The following LTF variants were observed in gnomAD, a reference collection of about 807,000 sequenced individuals.
LTF encodes lactotransferrin.
A neutral mutation model predicts 87.2 loss-of-function variants in LTF; 91 were observed. That is an observed-to-expected ratio of 1.04 (90% CI 0.88 to 1.24). The LOEUF (loss-of-function observed/expected upper bound fraction) is 1.24, where lower values mean the gene tolerates loss of function less well. LTF is among the 50% of genes most tolerant of loss of function. LTF has a pLI of 0.00. For missense variants in LTF, 901 were observed against 904.3 expected, an observed-to-expected ratio of 1.00 and a Z score of 0.05; for synonymous variants, 378 against 356.1, an observed-to-expected ratio of 1.06 and a Z score of -0.69.
intron 1 of LTF, among the ~76,000 whole-genome samples, chr3:46,471,899 G>T (rs1331032657): frequency 6.6e-6 from 1 of 152,148 alleles, no homozygotes; most frequent in Non-Finnish European, 1.5e-5. Flanking sequence ...GGGGCTGGGG[G>T]CCATGGGGAC....
At chr3:46,464,730 G>A (rs1703171198) in intron 1 of LTF, 95 bp downstream of exon 1, 3 of 1,411,584 alleles carry the variant, frequency 2.1e-6, no homozygotes, top group African/African-American at 1.4e-5. Flanking sequence ...GAGACCCCGC[G>A]CCCAGCCAAC....
chr3:46,465,894 C>T (rs1275611961), upstream of LTF, among the ~76,000 whole-genome samples: 1 of 145,804 alleles, frequency 6.9e-6, no homozygotes, highest in Non-Finnish European at 1.5e-5. Flanking sequence ...CTGTGGGACA[C>T]ATTGGGGGCC....
intron 3 of LTF, 121 bp from the exon 4 acceptor site, chr3:46,456,099 C>T (rs1481795415): frequency 7.8e-6 from 8 of 1,023,138 alleles, no homozygotes; most frequent in African/African-American, 3.2e-5. Flanking sequence ...TCACAGCTCA[C>T]GTGTGTCCTC....
At chr3:46,468,740 G>A (rs182551870), upstream of LTF, among the ~76,000 whole-genome samples, 13 of 152,352 alleles carry the variant, frequency 8.5e-5, no homozygotes, top group East Asian at 2.3e-3. Context: ...ACAATAGCTT[G>A]GCAGATGGGA....
intron 12 of LTF, among the ~76,000 whole-genome samples, chr3:46,443,970 T>G (rs546622848): frequency 6.6e-6 from 1 of 152,310 alleles, no homozygotes; most frequent in Admixed American, 6.5e-5. Flanking sequence ...TGTATCTGGG[T>G]GCTTGGCCCT....
At chr3:46,461,752 T>C (rs1703086390) in intron 1 of LTF, among the ~76,000 whole-genome samples, 1 of 129,266 alleles carries the variant, frequency 7.7e-6, no homozygotes, top group South Asian at 2.6e-4. Flanking sequence ...CATTGAATTG[T>C]ACGCAAATAG....
intron 1 of LTF, among the ~76,000 whole-genome samples, chr3:46,484,645 T>C (rs1245885393): frequency 6.6e-6 from 1 of 152,184 alleles, no homozygotes; most frequent in Non-Finnish European, 1.5e-5. Flanking sequence ...CCCCAGCATA[T>C]TGTTGTCAAT....
intron 16 of LTF, among the ~76,000 whole-genome samples, chr3:46,437,015 C>T (rs1489592118): frequency 6.6e-6 from 1 of 152,152 alleles, no homozygotes; most frequent in East Asian, 1.9e-4. Context: ...TGAAAACTAC[C>T]GATAAAGACA....
At chr3:46,470,206 C>T (rs1167814268) in intron 2 of LTF, among the ~76,000 whole-genome samples, 1 of 152,244 alleles carries the variant, frequency 6.6e-6, no homozygotes, top group Non-Finnish European at 1.5e-5. Flanking sequence ...TCACCATATC[C>T]TTTGAGAATG....
chr3:46,469,690 CACAG>C (rs1207168968), upstream of LTF: 1 of 152,438 alleles, frequency 6.6e-6, no homozygotes, highest in African/African-American at 2.4e-5. Flanking sequence ...AAGATCCCAA[CACAG>C]ACAATGACCT....
Position 46,456,385 on chromosome 3 carries a change from T to C in LTF, c.221A>G (p.Asp74Gly). ...CIQAIAENRA[D>G]AVTLDGGFIY... The stretch of plus-strand genomic sequence containing the variant: ...GAAACCACCATCAAGGGTCACAGCA[T>C]CGGCCCTGTTTTCCTGAAAGTAAAG... The change falls in exon 3 of 17, where the codon GAT (aspartate) becomes GGT (glycine). Residue 74 changes from aspartate (D) to glycine (G), a missense_variant. Coordinates refer to ENST00000231751, the MANE Select transcript of LTF (RefSeq NM_002343.6). 1 of 1,614,088 alleles carries C rather than the reference T, an allele frequency of 6.2e-7. No homozygotes were observed. The highest frequency in any genetic ancestry group is 8.5e-7 in the Non-Finnish European group (1 of 1,179,980).
Position 46,449,726 on chromosome 3 carries a change from C to G in LTF, c.1057+128G>C, listed in dbSNP as rs1279743080. ...CCTAATCCACAGAAGACACTCACACCTGCATCAAACCTCCACGATGACCCC... is the reference window on the plus strand; with the variant it reads ...CCTAATCCACAGAAGACACTCACACGTGCATCAAACCTCCACGATGACCCC... On this transcript the variant is annotated intron_variant, in intron 8 of 16. Transcript: ENST00000231751. 3.1e-6 allele frequency: 3 copies of G among 953,380 alleles called. No homozygotes were observed. In the East Asian group the frequency reaches 7.9e-5, roughly 25 times the overall value. The allele number at this position is 953,380 out of a possible 1,614,324, so 59.1% of individuals were successfully genotyped here.
chr3:46,464,515 A>T (rs554827568), intron 1 of LTF, among the ~76,000 whole-genome samples: 16 of 152,324 alleles, frequency 1.1e-4, no homozygotes, highest in African/African-American at 2.9e-4. Context: ...GGTAAAACGC[A>T]TGTCACAATA....
intron 1 of LTF, among the ~76,000 whole-genome samples, chr3:46,478,208 A>G (rs1486421494): frequency 6.6e-6 from 1 of 152,032 alleles, no homozygotes; most frequent in African/African-American, 2.4e-5. Context: ...CACTGCCCTG[A>G]GACTTTTCCT....
At chr3:46,448,322 G>A (rs886384697) in intron 9 of LTF, among the ~76,000 whole-genome samples, 18 of 151,174 alleles carry the variant, frequency 1.2e-4, no homozygotes, top group Admixed American at 6.6e-4. Flanking sequence ...AGATGTGGTC[G>A]CACCACTGCA....
chr3:46,478,845 T>G (rs980375539), intron 1 of LTF, among the ~76,000 whole-genome samples: 20 of 152,254 alleles, frequency 1.3e-4, no homozygotes, highest in African/African-American at 4.8e-4. Context: ...ATATTTTTTA[T>G]GCCATTTTAC....
At chr3:46,476,503 T>C (rs1001244787) in intron 1 of LTF, among the ~76,000 whole-genome samples, 1 of 152,238 alleles carries the variant, frequency 6.6e-6, no homozygotes, top group African/African-American at 2.4e-5. Context: ...TCTCTTGCAG[T>C]CTGTAAATGA....
At chr3:46,478,837 AT>A (rs1472353993) in intron 1 of LTF, among the ~76,000 whole-genome samples, 1 of 152,310 alleles carries the variant, frequency 6.6e-6, no homozygotes, top group Non-Finnish European at 1.5e-5. Flanking sequence ...AGAAAATAAT[AT>A]TTTTTATGCC....
chr3:46,441,934 A>AGGGTGTGT (rs1456655226), intron 13 of LTF: 1 of 59,002 alleles, frequency 1.7e-5, no homozygotes, highest in Non-Finnish European at 3.4e-5. Context: ...AGAGAGAGAG[A>AGGGTGTGT]GTGTGTGTGT....
Sources: gnomAD v4.1 joint callset for allele counts (sites outside exome capture counted in the v4.1 genomes callset) on GRCh38, gnomAD v4.1.1 for gene constraint, MANE v1.5 for transcripts, NCBI Gene and HGNC (gene_info 2026-07-23, HGNC 2026-07-21) for gene names.